Variants in CSMD1 observed in about 807,000 individuals in gnomAD.
CSMD1 encodes CUB and sushi domain-containing protein 1.
CSMD1 carries 213 observed loss-of-function variants against 417.5 expected under a neutral mutation model. The observed-to-expected ratio is 0.51, with a 90% confidence interval of 0.46 to 0.57. CSMD1 has a LOEUF of 0.57. Among genes scored for constraint, CSMD1 ranks in the 20% least tolerant of loss-of-function variants. CSMD1 has a pLI of 0.00. For synonymous variants in CSMD1, 2,862 were observed against 1,736.8 expected, an observed-to-expected ratio of 1.65 and a Z score of -16.11; for missense variants, 6,923 against 4,529.7, an observed-to-expected ratio of 1.53 and a Z score of -15.17.
chr8:3,168,333 G>C (rs144574073), intron 37 of CSMD1, among the ~76,000 whole-genome samples: 4 of 152,220 alleles, frequency 2.6e-5, no homozygotes, highest in African/African-American at 7.2e-5. Context: ...TTATTCTCTG[G>C]CACACGACAC....
intron 41 of CSMD1, among the ~76,000 whole-genome samples, chr8:3,139,455 C>T (rs935811339): frequency 1.3e-5 from 2 of 152,120 alleles, no homozygotes; most frequent in African/African-American, 4.8e-5. Flanking sequence ...TGCTGGATGT[C>T]ACCAGGAGAC....
intron 52 of CSMD1, among the ~76,000 whole-genome samples, chr8:3,003,855 G>T (rs948258339): frequency 6.6e-6 from 1 of 152,180 alleles, no homozygotes; most frequent in African/African-American, 2.4e-5. Context: ...TCTAGCCACA[G>T]AAATTAGAAA....
chr8:3,814,693 C>T (rs1801278976), intron 5 of CSMD1, among the ~76,000 whole-genome samples: 2 of 152,100 alleles, frequency 1.3e-5, no homozygotes, highest in South Asian at 4.1e-4. Context: ...TTAGCTTAGC[C>T]CTCTGGTGAT....
intron 1 of CSMD1, among the ~76,000 whole-genome samples, chr8:4,687,130 C>T (rs952178038): frequency 1.3e-5 from 2 of 152,222 alleles, no homozygotes; most frequent in Admixed American, 6.5e-5. Context: ...AGCACACAGA[C>T]CATGGGCCAG....
chr8:3,519,156 T>G (rs1011871670), intron 10 of CSMD1, among the ~76,000 whole-genome samples: 2 of 152,202 alleles, frequency 1.3e-5, no homozygotes, highest in African/African-American at 4.8e-5. Context: ...ACCTATTTAA[T>G]AAGCTAAAAA....
chr8:3,892,167 T>C (rs1385811860), intron 5 of CSMD1, among the ~76,000 whole-genome samples: 3 of 152,160 alleles, frequency 2.0e-5, no homozygotes, highest in Non-Finnish European at 4.4e-5. Flanking sequence ...CCCAAATATA[T>C]GAGGCATTTA....
chr8:3,846,588 A>T (rs1803520478), intron 5 of CSMD1, among the ~76,000 whole-genome samples: 1 of 152,198 alleles, frequency 6.6e-6, no homozygotes, highest in African/African-American at 2.4e-5. Context: ...TGACATTTAA[A>T]ATAAATATTC....
chr8:3,277,737 C>T (rs953904521), intron 26 of CSMD1, among the ~76,000 whole-genome samples: 3 of 152,162 alleles, frequency 2.0e-5, no homozygotes, highest in African/African-American at 7.2e-5. Flanking sequence ...GGCAGGTGGA[C>T]ACTCAGGGGA....
intron 2 of CSMD1, among the ~76,000 whole-genome samples, chr8:4,436,672 C>G (rs1218203906): frequency 6.6e-6 from 1 of 152,158 alleles, no homozygotes; most frequent in African/African-American, 2.4e-5. Context: ...TTCCTTCACT[C>G]CTACTACCCT....
At chr8:3,303,976 A>G (rs1301064504) in intron 25 of CSMD1, among the ~76,000 whole-genome samples, 2 of 151,976 alleles carry the variant, frequency 1.3e-5, no homozygotes, top group South Asian at 2.1e-4. Context: ...GGGGTATTCG[A>G]TTACCTCAAA....
At chr8:3,210,167 G>T (rs1181344652) in intron 30 of CSMD1, among the ~76,000 whole-genome samples, 1 of 152,108 alleles carries the variant, frequency 6.6e-6, no homozygotes, top group African/African-American at 2.4e-5. Flanking sequence ...AATCACAGGC[G>T]CTGGTTCATG....
chr8:3,104,348 G>A (rs1168531297), intron 46 of CSMD1, among the ~76,000 whole-genome samples: 5 of 152,110 alleles, frequency 3.3e-5, no homozygotes, highest in Admixed American at 3.3e-4. Context: ...TGGATCTCCT[G>A]ACTTTGCACC....
intron 1 of CSMD1, among the ~76,000 whole-genome samples, chr8:4,818,845 C>G (rs1799358326): frequency 6.6e-6 from 1 of 152,098 alleles, no homozygotes; most frequent in Non-Finnish European, 1.5e-5. Context: ...TATCATTTTT[C>G]CCACTTCACA....
intron 37 of CSMD1, among the ~76,000 whole-genome samples, chr8:3,175,346 C>T (rs1435879103): frequency 3.3e-5 from 5 of 151,226 alleles, no homozygotes; most frequent in African/African-American, 4.9e-5. Context: ...CAACCTCCTA[C>T]GTTATTCAGA....
intron 1 of CSMD1, among the ~76,000 whole-genome samples, chr8:4,810,232 G>A (rs1346055292): frequency 6.6e-6 from 1 of 152,134 alleles, no homozygotes. Flanking sequence ...AAAGTAAATG[G>A]ATGCAGATTT....
chr8:3,485,546 G>C (rs199830234), intron 11 of CSMD1, among the ~76,000 whole-genome samples: 8 of 80,270 alleles, frequency 1.0e-4, no homozygotes, highest in Non-Finnish European at 1.7e-4. Context: ...CACAGAGAGA[G>C]AGAGAGAGAG....
chr8:3,986,683 T>G (rs185832164), intron 5 of CSMD1, among the ~76,000 whole-genome samples: 76 of 152,306 alleles, frequency 5.0e-4, no homozygotes, highest in African/African-American at 1.6e-3. Flanking sequence ...GAGTGAACAT[T>G]TTACAAGCAT....
At chr8:3,322,883 C>T (rs1397049580) in intron 23 of CSMD1, among the ~76,000 whole-genome samples, 3 of 152,196 alleles carry the variant, frequency 2.0e-5, no homozygotes, top group Non-Finnish European at 4.4e-5. Context: ...AAATGCCTGA[C>T]TTAGGAAGTG....
At chr8:4,269,729 T>A (rs1175704954) in intron 3 of CSMD1, among the ~76,000 whole-genome samples, 13 of 152,194 alleles carry the variant, frequency 8.5e-5, no homozygotes. Flanking sequence ...ATTCTTAATA[T>A]TTACATTCTA....
Sources: gnomAD v4.1 joint callset for allele counts (sites outside exome capture counted in the v4.1 genomes callset) on GRCh38, gnomAD v4.1.1 for gene constraint, MANE v1.5 for transcripts, NCBI Gene and HGNC (gene_info 2026-07-23, HGNC 2026-07-21) for gene names.